The following ARHGAP24 variants were observed in gnomAD, a reference collection of about 807,000 sequenced individuals.
ARHGAP24 encodes rho GTPase-activating protein 24.
A neutral mutation model predicts 76.4 loss-of-function variants in ARHGAP24; 50 were observed. The ratio of observed to expected loss-of-function variants is 0.65; its 90% confidence interval spans 0.52 to 0.83. ARHGAP24 has a LOEUF of 0.83. ARHGAP24 is among the 40% of genes least tolerant of loss of function. The probability of loss-of-function intolerance (pLI) is 0.00; values close to 1 mark genes in which losing one functional copy is unlikely to be tolerated. For missense variants in ARHGAP24, 930 were observed against 914.2 expected (o/e 1.02, Z -0.22); for synonymous variants, 345 against 323.3 (o/e 1.07, Z -0.72).
intron 3 of ARHGAP24, among the ~76,000 whole-genome samples, chr4:85,915,847 T>A (rs540087389): frequency 6.6e-6 from 1 of 152,342 alleles, no homozygotes; most frequent in South Asian, 2.1e-4. Flanking sequence ...TGGTTCCAAG[T>A]CTTTCCTATT....
chr4:85,747,708 A>G (rs199753919), intron 3 of ARHGAP24, among the ~76,000 whole-genome samples: 1 of 150,634 alleles, frequency 6.6e-6, no homozygotes, highest in African/African-American at 2.5e-5. Flanking sequence ...GTCTAAAACA[A>G]AAACAAACAA....
intron 3 of ARHGAP24, among the ~76,000 whole-genome samples, chr4:85,869,210 G>A (rs893424325): frequency 3.3e-5 from 5 of 152,042 alleles, no homozygotes; most frequent in Admixed American, 6.6e-5. Context: ...AACAAGAAGC[G>A]CAGATGTAGA....
At chr4:85,783,153 G>T (rs141245114) in intron 3 of ARHGAP24, among the ~76,000 whole-genome samples, 199 of 152,220 alleles carry the variant, frequency 1.3e-3, no homozygotes, top group African/African-American at 4.6e-3. Context: ...GGAATTGGAG[G>T]ACAAGAAGGT....
At chr4:85,524,799 A>C (rs1480836195) in intron 1 of ARHGAP24, among the ~76,000 whole-genome samples, 1 of 152,090 alleles carries the variant, frequency 6.6e-6, no homozygotes, top group Non-Finnish European at 1.5e-5. Context: ...AATTACTGTA[A>C]CTGGTGGCCT....
At chr4:85,655,822 G>C (rs13121844) in intron 2 of ARHGAP24, among the ~76,000 whole-genome samples, 6 of 107,950 alleles carry the variant, frequency 5.6e-5, no homozygotes, top group Admixed American at 2.1e-4. Context: ...GAGAGAAAGA[G>C]AGAGAGAGAG....
chr4:85,732,606 T>C (rs571245967), intron 3 of ARHGAP24, among the ~76,000 whole-genome samples: 4 of 152,210 alleles, frequency 2.6e-5, no homozygotes, highest in Non-Finnish European at 5.9e-5. Flanking sequence ...TTATCTTTAT[T>C]TGCCTATTCA....
intron 3 of ARHGAP24, among the ~76,000 whole-genome samples, chr4:85,799,542 A>G (rs1728496299): frequency 6.6e-6 from 1 of 152,182 alleles, no homozygotes; most frequent in African/African-American, 2.4e-5. Context: ...GAAAATTCCA[A>G]ATCACAAATA....
At chr4:85,990,069 CT>C (rs1196909561) in intron 8 of ARHGAP24, 1 of 151,658 alleles carries the variant, frequency 6.6e-6, no homozygotes, top group Non-Finnish European at 1.5e-5. Flanking sequence ...ACAAATAAAA[CT>C]AATATAACTA....
In ARHGAP24 at chr4:85,505,525, C is replaced by T. The variant is rs190773769; in HGVS notation, c.-21+29966C>T. Among the ~76,000 whole-genome samples, 1,353 of 152,272 alleles carry T rather than the reference C, an allele frequency of 8.9e-3. 13 individuals carry two copies. Among genetic ancestry groups the T allele is most frequent in the African/African-American group, 0.031 (1,282 of 41,564 alleles). The stretch of plus-strand genomic sequence containing the variant: ...CACTTCATCAAATTGGCTATTGAAG[C>T]TTGTGCATGCGTCACAAAGTTCTAA... On this transcript the variant is annotated intron_variant, in intron 1 of 9. Coordinates refer to ENST00000395184, the MANE Select transcript of ARHGAP24 (RefSeq NM_001025616.3).
intron 3 of ARHGAP24, among the ~76,000 whole-genome samples, chr4:85,787,838 A>C (rs1449346829): frequency 6.6e-6 from 1 of 152,156 alleles, no homozygotes; most frequent in Non-Finnish European, 1.5e-5. Flanking sequence ...CTGAAAACCC[A>C]GATCACACTG....
At chr4:85,897,222 G>C (rs1708182119) in intron 3 of ARHGAP24, among the ~76,000 whole-genome samples, 1 of 152,090 alleles carries the variant, frequency 6.6e-6, no homozygotes, top group Admixed American at 6.6e-5. Context: ...ATGCTGGTGT[G>C]AACACTGATC....
At chr4:85,733,060 CTTTTTTT>C (rs1210109366) in intron 3 of ARHGAP24, among the ~76,000 whole-genome samples, 3 of 55,206 alleles carry the variant, frequency 5.4e-5, no homozygotes, top group African/African-American at 6.4e-5. Context: ...GCCTCACCAA[CTTTTTTT>C]TTTTTTTTTT....
chr4:85,499,771 C>A, intron 1 of ARHGAP24, among the ~76,000 whole-genome samples: 1 of 152,128 alleles, frequency 6.6e-6, no homozygotes. Context: ...CTGTGCTGTT[C>A]CGTGTGGTAG....
chr4:85,894,997 AAAGC>A (rs1560701764), intron 3 of ARHGAP24, among the ~76,000 whole-genome samples: 10 of 38,372 alleles, frequency 2.6e-4, no homozygotes, highest in Non-Finnish European at 4.5e-4. Context: ...AACAAAACAA[AAAGC>A]AAAAAAAAAA....
chr4:85,559,072 C>T (rs1726497827), intron 1 of ARHGAP24, among the ~76,000 whole-genome samples: 1 of 152,156 alleles, frequency 6.6e-6, no homozygotes, highest in East Asian at 1.9e-4. Context: ...ATTATAGGCA[C>T]AGCAGTTATT....
At chr4:85,911,391 A>C (rs1018168561) in intron 3 of ARHGAP24, among the ~76,000 whole-genome samples, 5 of 152,222 alleles carry the variant, frequency 3.3e-5, no homozygotes, top group African/African-American at 9.6e-5. Flanking sequence ...ATAACCAAAA[A>C]AAAGAAAAAA....
chr4:85,871,799 C>T (rs1732539829), intron 3 of ARHGAP24, among the ~76,000 whole-genome samples: 2 of 152,110 alleles, frequency 1.3e-5, no homozygotes, highest in Non-Finnish European at 2.9e-5. Flanking sequence ...AGGGACAAAG[C>T]AGTGATGGCA....
chr4:85,506,223 G>A (rs115094220), intron 1 of ARHGAP24, among the ~76,000 whole-genome samples: 1,589 of 152,292 alleles, frequency 0.01, 12 homozygotes, highest in Non-Finnish European at 0.016. Flanking sequence ...AGGAGGCAGC[G>A]TGTCTGTTCT....
chr4:85,825,432 C>T (rs1469735964), intron 3 of ARHGAP24, among the ~76,000 whole-genome samples: 1 of 152,152 alleles, frequency 6.6e-6, no homozygotes, highest in East Asian at 1.9e-4. Flanking sequence ...CTATATTCCA[C>T]ACTACAGTTG....
Sources: gnomAD v4.1 joint callset for allele counts (sites outside exome capture counted in the v4.1 genomes callset) on GRCh38, gnomAD v4.1.1 for gene constraint, MANE v1.5 for transcripts, NCBI Gene and HGNC (gene_info 2026-07-23, HGNC 2026-07-21) for gene names.